The following SYNPO2 variants were observed in gnomAD, a reference collection of about 807,000 sequenced individuals.
The protein encoded by SYNPO2 is synaptopodin-2.
Under a neutral mutation model 85.0 loss-of-function variants are expected in SYNPO2, and 56 were observed. The ratio of observed to expected loss-of-function variants is 0.66; its 90% confidence interval spans 0.53 to 0.82. The LOEUF (loss-of-function observed/expected upper bound fraction) is 0.82, where lower values mean the gene tolerates loss of function less well. Among genes scored for constraint, SYNPO2 ranks in the 40% least tolerant of loss-of-function variants. The probability of loss-of-function intolerance (pLI) is 0.00; values close to 1 mark genes in which losing one functional copy is unlikely to be tolerated. For missense variants in SYNPO2, 1,575 were observed against 1,534.2 expected (o/e 1.03, Z -0.44); for synonymous variants, 602 against 591.1 (o/e 1.02, Z -0.27).
In SYNPO2 at chr4:119,026,737, C is replaced by T. The variant is rs1737963356; in HGVS notation, c.368C>T (p.Ala123Val). 6.2e-7 allele frequency: 1 copy of T among 1,614,154 alleles called. No individual in the cohort carries two copies. Among genetic ancestry groups the T allele is most frequent in the East Asian group, 2.2e-5 (1 of 44,876 alleles). ...VESTTLQIRP[A>V]TKTQCTEFFL... ...AGTACCACCCTGCAGATTCGACCGG[C>T]CACAAAGACCCAGTGCACAGAATTC... Residue 123 changes from alanine (A) to valine (V), a missense_variant, in exon 3 of 5, where the codon GCC (alanine) becomes GTC (valine). Ala to Val is a moderately conservative substitution (Grantham distance 64, BLOSUM62 0). Around this residue, in one of 3 missense-constraint regions of SYNPO2, gnomAD observed 1,508 missense variants for 1,446.8 expected, o/e 1.04. Coordinates refer to ENST00000307142, the MANE Select transcript of SYNPO2 (RefSeq NM_133477.3).
rs112873173 is a variant in SYNPO2, at chr4:119,008,430, A to G, written c.106-15000A>G. Among the ~76,000 whole-genome samples the G allele has an allele frequency of 7.3e-4, 107 of 146,934 alleles. 3 individuals carry two copies. Among genetic ancestry groups the G allele is most frequent in the African/African-American group, 2.6e-3 (105 of 39,738 alleles). ...TTGCGAGCACACTGGTTTAAATTGCACAGGCTTTTTTTTTTTTTTCCTTGG... is the reference window on the plus strand; with the variant it reads ...TTGCGAGCACACTGGTTTAAATTGCGCAGGCTTTTTTTTTTTTTTCCTTGG... On this transcript the variant is annotated intron_variant, in intron 1 of 4. Transcript: ENST00000307142.
chr4:118,873,806 T>C (rs74967745), intron 1 of SYNPO2, among the ~76,000 whole-genome samples: 22,684 of 152,108 alleles, frequency 0.15, 1,748 homozygotes, highest in East Asian at 0.21. Context: ...CTAGGTTTTC[T>C]TCTGCATTTT....
intron 1 of SYNPO2, among the ~76,000 whole-genome samples, chr4:118,927,551 G>T (rs535900098): frequency 6.6e-6 from 1 of 152,054 alleles, no homozygotes; most frequent in Non-Finnish European, 1.5e-5. Flanking sequence ...CTGTTTCCCA[G>T]GGCTTTCTTG....
At chr4:118,907,335 C>G (rs1176029610) in intron 1 of SYNPO2, among the ~76,000 whole-genome samples, 2 of 152,096 alleles carry the variant, frequency 1.3e-5, no homozygotes, top group African/African-American at 2.4e-5. Context: ...TGCCTTCCCC[C>G]ACTAGAAATC....
At chr4:118,876,646 T>TCTTC (rs200405166) in intron 1 of SYNPO2, among the ~76,000 whole-genome samples, 8 of 148,418 alleles carry the variant, frequency 5.4e-5, no homozygotes, top group African/African-American at 1.0e-4. Flanking sequence ...TTCCTTCCTT[T>TCTTC]CTTCCTTCCT....
At chr4:118,929,241 C>T (rs1733838200) in intron 1 of SYNPO2, among the ~76,000 whole-genome samples, 1 of 152,026 alleles carries the variant, frequency 6.6e-6, no homozygotes, top group African/African-American at 2.4e-5. Flanking sequence ...AAATAATAAT[C>T]ATAGTAATAA....
chr4:119,017,796 A>G (rs938570210), intron 1 of SYNPO2, among the ~76,000 whole-genome samples: 1 of 152,194 alleles, frequency 6.6e-6, no homozygotes, highest in Non-Finnish European at 1.5e-5. Flanking sequence ...TTGTCAATGA[A>G]TTATACATGA....
At chr4:119,012,393 T>TTTTTTTTTTTTTTTTTA (rs1553946399) in intron 1 of SYNPO2, among the ~76,000 whole-genome samples, 7 of 130,818 alleles carry the variant, frequency 5.4e-5, no homozygotes, top group African/African-American at 1.1e-4. Context: ...TTTTTTTTTT[T>TTTTTTTTTTTTTTTTTA]ATTTTACTTT....
chr4:118,933,846 T>TTTTTTG (rs56298566), intron 1 of SYNPO2, among the ~76,000 whole-genome samples: 1 of 147,466 alleles, frequency 6.8e-6, no homozygotes, highest in African/African-American at 2.6e-5. Context: ...TTTTTTTTTT[T>TTTTTTG]GGACAGTAAC....
chr4:118,989,049 G>A (rs1038721853), intron 1 of SYNPO2, among the ~76,000 whole-genome samples: 1 of 152,172 alleles, frequency 6.6e-6, no homozygotes, highest in Non-Finnish European at 1.5e-5. Context: ...CATTGAATTA[G>A]GCCAGAGCTA....
At chr4:118,993,170 C>T (rs917515143) in intron 1 of SYNPO2, among the ~76,000 whole-genome samples, 2 of 143,390 alleles carry the variant, frequency 1.4e-5, no homozygotes, top group African/African-American at 5.1e-5. Context: ...TTCTGATTTT[C>T]GGAATTAATT....
At chr4:118,976,023 A>T (rs1263519809) in intron 1 of SYNPO2, among the ~76,000 whole-genome samples, 1 of 152,220 alleles carries the variant, frequency 6.6e-6, no homozygotes, top group Non-Finnish European at 1.5e-5. Flanking sequence ...GTCCCCTACC[A>T]GAGCTTTTGA....
intron 1 of SYNPO2, among the ~76,000 whole-genome samples, chr4:118,879,928 C>T (rs148559480): frequency 1.0e-3 from 158 of 152,048 alleles, no homozygotes; most frequent in African/African-American, 3.7e-3. Context: ...GCATGGAGGT[C>T]TGCACTACTT....
rs538151574 is a variant in SYNPO2, at chr4:119,023,684, G to A, written c.257+103G>A. 1.7e-5 allele frequency: 22 copies of A among 1,309,180 alleles called. No individual in the cohort carries two copies. In the East Asian group the frequency reaches 5.0e-4, roughly 29 times the overall value. 81.1% of individuals were successfully genotyped at this position (1,309,180 alleles called of 1,614,324 possible). On this transcript the variant is annotated intron_variant, in intron 2 of 4. Transcript: ENST00000307142. ...CTTGTCATTTATGGAGAAATTAGGG[G>A]TGCTTTGTAGAAGGTTAGGTATAGT...
chr4:118,901,828 A>G (rs925793004), intron 1 of SYNPO2, among the ~76,000 whole-genome samples: 1 of 152,236 alleles, frequency 6.6e-6, no homozygotes, highest in African/African-American at 2.4e-5. Context: ...CCCACAGACC[A>G]GACTGGACCA....
intron 1 of SYNPO2, among the ~76,000 whole-genome samples, chr4:118,987,827 T>C (rs1283832445): frequency 6.6e-6 from 1 of 152,212 alleles, no homozygotes; most frequent in African/African-American, 2.4e-5. Flanking sequence ...CTACTCTATG[T>C]CTAGGTCTTT....
intron 1 of SYNPO2, among the ~76,000 whole-genome samples, chr4:118,883,374 A>G (rs1379509210): frequency 6.6e-6 from 1 of 152,218 alleles, no homozygotes; most frequent in African/African-American, 2.4e-5. Context: ...AATTAGGAAA[A>G]TAAAAAAGAG....
intron 1 of SYNPO2, among the ~76,000 whole-genome samples, chr4:118,958,070 A>T (rs533249965): frequency 2.6e-5 from 4 of 152,168 alleles, no homozygotes; most frequent in Admixed American, 6.5e-5. Context: ...AGTTGTGCTC[A>T]TTTCTTAGCC....
intron 1 of SYNPO2, among the ~76,000 whole-genome samples, chr4:118,902,225 C>A (rs996062543): frequency 6.6e-6 from 1 of 152,178 alleles, no homozygotes; most frequent in African/African-American, 2.4e-5. Context: ...CTTCAAATTT[C>A]CTCTTCATCC....
Sources: allele counts gnomAD v4.1 joint callset (sites outside exome capture counted in the v4.1 genomes callset), GRCh38; gene constraint gnomAD v4.1.1; regional missense constraint gnomAD v4.1.1; transcripts MANE v1.5; gene names NCBI Gene and HGNC (gene_info 2026-07-23, HGNC 2026-07-21).